IPCEF1: variants seen among roughly 807,000 people sequenced by gnomAD.
IPCEF1 encodes the protein interactor protein for cytohesin exchange factors 1.
In IPCEF1, 31 loss-of-function variants were observed where a neutral mutation model predicts 50.9. That is an observed-to-expected ratio of 0.61 (90% CI 0.46 to 0.82). IPCEF1 has a LOEUF of 0.82. IPCEF1 is among the 40% of genes least tolerant of loss of function. The pLI, the probability that IPCEF1 is intolerant of heterozygous loss-of-function variation, is 0.00. For missense variants in IPCEF1, 458 were observed against 514.0 expected, an observed-to-expected ratio of 0.89 and a Z score of 1.05; for synonymous variants, 181 against 192.0, an observed-to-expected ratio of 0.94 and a Z score of 0.47.
At chr6:154,347,724 C>T (rs1784058294) in intron 1 of IPCEF1, among the ~76,000 whole-genome samples, 1 of 152,174 alleles carries the variant, frequency 6.6e-6, no homozygotes, top group African/African-American at 2.4e-5. Context: ...TCCTACTGCC[C>T]AGAAAGTTCC....
chr6:154,310,363 A>AT, intron 1 of IPCEF1, among the ~76,000 whole-genome samples: 1 of 152,198 alleles, frequency 6.6e-6, no homozygotes, highest in South Asian at 2.1e-4. Context: ...CTTTCTTTCT[A>AT]TTTTTTTGAA....
chr6:154,170,261 T>C (rs1440857448), intron 10 of IPCEF1, among the ~76,000 whole-genome samples: 1 of 152,022 alleles, frequency 6.6e-6, no homozygotes, highest in African/African-American at 2.4e-5. Context: ...TTTATATGTT[T>C]CACTTCCTGT....
intron 5 of IPCEF1, among the ~76,000 whole-genome samples, chr6:154,230,603 T>C (rs1390744709): frequency 1.3e-5 from 2 of 152,184 alleles, no homozygotes; most frequent in East Asian, 1.9e-4. Flanking sequence ...CGAGTCTAAA[T>C]AGGTCAAAGA....
At chr6:154,344,221 T>A (rs906170327) in intron 1 of IPCEF1, among the ~76,000 whole-genome samples, 4 of 152,222 alleles carry the variant, frequency 2.6e-5, no homozygotes, top group African/African-American at 9.6e-5. Flanking sequence ...TATTAAATCA[T>A]CTGCTCCTTA....
At chr6:154,237,448 T>C (rs1466408845) in intron 5 of IPCEF1, among the ~76,000 whole-genome samples, 1 of 152,244 alleles carries the variant, frequency 6.6e-6, no homozygotes. Flanking sequence ...CCATTCCTGG[T>C]ATCTGAAAAT....
intron 10 of IPCEF1, among the ~76,000 whole-genome samples, chr6:154,195,292 C>T (rs1190292214): frequency 3.3e-5 from 5 of 151,844 alleles, no homozygotes; most frequent in South Asian, 2.1e-4. Flanking sequence ...GGACTACAGG[C>T]GCCCGCCACC....
At chr6:154,319,497 TTTTCCACATAA>T (rs1333089860) in intron 1 of IPCEF1, among the ~76,000 whole-genome samples, 6 of 152,212 alleles carry the variant, frequency 3.9e-5, no homozygotes, top group Non-Finnish European at 8.8e-5. Flanking sequence ...TCCTAAGATG[TTTTCCACATAA>T]AGAAAACAGA....
At chr6:154,272,275 A>G (rs1781918911) in intron 2 of IPCEF1, among the ~76,000 whole-genome samples, 1 of 152,228 alleles carries the variant, frequency 6.6e-6, no homozygotes, top group African/African-American at 2.4e-5. Flanking sequence ...ATACAAAACT[A>G]TCCTTCCTAA....
chr6:154,178,254 G>A (rs546094942), intron 10 of IPCEF1, among the ~76,000 whole-genome samples: 9 of 152,136 alleles, frequency 5.9e-5, no homozygotes, highest in East Asian at 5.8e-4. Context: ...AAACCTGCAC[G>A]TTGTGCACAA....
chr6:154,340,884 CA>C (rs59726979), intron 1 of IPCEF1, among the ~76,000 whole-genome samples: 55 of 128,634 alleles, frequency 4.3e-4, no homozygotes, highest in Non-Finnish European at 5.0e-4. Context: ...AACTCCGTCT[CA>C]AAAAAAAAAA....
chr6:154,165,391 A>T (rs1799345154), intron 11 of IPCEF1, among the ~76,000 whole-genome samples: 1 of 152,228 alleles, frequency 6.6e-6, no homozygotes, highest in Non-Finnish European at 1.5e-5. Context: ...CAACATGAAC[A>T]TGCACACATG....
chr6:154,352,149 GA>G (rs1056540513), intron 1 of IPCEF1, among the ~76,000 whole-genome samples: 68 of 139,562 alleles, frequency 4.9e-4, no homozygotes, highest in South Asian at 8.9e-4. Context: ...AAAAGTTGAA[GA>G]AAAAAAAAAA....
chr6:154,256,537 GTCTCTCTC>G (rs10644644), intron 3 of IPCEF1, among the ~76,000 whole-genome samples: 8 of 146,122 alleles, frequency 5.5e-5, no homozygotes, highest in Admixed American at 2.1e-4. Flanking sequence ...CTCTGTCTCC[GTCTCTCTC>G]TCTCTCTCTC....
intron 10 of IPCEF1, among the ~76,000 whole-genome samples, chr6:154,192,175 AGAT>A (rs2128582072): frequency 6.6e-6 from 1 of 152,294 alleles, no homozygotes; most frequent in African/African-American, 2.4e-5. Flanking sequence ...CAACTTTACT[AGAT>A]GATGACAAAT....
At chr6:154,255,471 G>T (rs1781438244) in intron 3 of IPCEF1, among the ~76,000 whole-genome samples, 2 of 152,124 alleles carry the variant, frequency 1.3e-5, no homozygotes, top group Non-Finnish European at 1.5e-5. Context: ...CATCATCCTT[G>T]ATATACTGTA....
At chr6:154,325,460 A>T (rs1384905319) in intron 1 of IPCEF1, among the ~76,000 whole-genome samples, 4 of 152,194 alleles carry the variant, frequency 2.6e-5, no homozygotes, top group Non-Finnish European at 5.9e-5. Context: ...ATCACTTCCC[A>T]CCATGTAATT....
chr6:154,161,986 G>A (rs891503343), intron 11 of IPCEF1, among the ~76,000 whole-genome samples: 4 of 152,000 alleles, frequency 2.6e-5, no homozygotes, highest in African/African-American at 4.8e-5. Context: ...ATCCTCACTC[G>A]CAGCTGATGG....
chr6:154,176,871 G>T (rs1248322247), intron 10 of IPCEF1, among the ~76,000 whole-genome samples: 1 of 152,168 alleles, frequency 6.6e-6, no homozygotes, highest in African/African-American at 2.4e-5. Flanking sequence ...GAGGCATCAT[G>T]CTACCTGACT....
intron 5 of IPCEF1, among the ~76,000 whole-genome samples, chr6:154,235,672 A>C (rs1780073284): frequency 6.6e-6 from 1 of 152,146 alleles, no homozygotes. Flanking sequence ...AGCTGTTTTC[A>C]TGAGTTTCGT....
Sources: allele counts gnomAD v4.1 joint callset (sites outside exome capture counted in the v4.1 genomes callset), GRCh38; gene constraint gnomAD v4.1.1; transcripts MANE v1.5; gene names NCBI Gene and HGNC (gene_info 2026-07-23, HGNC 2026-07-21).